The following MLLT3 variants were observed in gnomAD, a reference collection of about 807,000 sequenced individuals.
MLLT3 encodes the protein MLLT3 super elongation complex subunit, also known as protein AF-9.
In MLLT3, 4 loss-of-function variants were observed where a neutral mutation model predicts 53.2. That is an observed-to-expected ratio of 0.08 (90% confidence interval 0.04 to 0.17). The LOEUF (loss-of-function observed/expected upper bound fraction) is 0.17, where lower values mean the gene tolerates loss of function less well. Ranked by LOEUF, MLLT3 falls within the 10% of genes least tolerant of loss-of-function variation. The probability of loss-of-function intolerance (pLI) is 1.00; values close to 1 mark genes in which losing one functional copy is unlikely to be tolerated. For missense variants in MLLT3, 569 were observed against 684.0 expected, an observed-to-expected ratio of 0.83 and a Z score of 1.87; for synonymous variants, 283 against 230.6, an observed-to-expected ratio of 1.23 and a Z score of -2.06.
chr9:20,514,805 G>T (rs1456991699), intron 2 of MLLT3, among the ~76,000 whole-genome samples: 1 of 152,096 alleles, frequency 6.6e-6, no homozygotes, highest in Non-Finnish European at 1.5e-5. Context: ...ACCTGTCAGG[G>T]ACATGAAAGT....
chr9:20,565,915 T>C (rs1317235426), intron 2 of MLLT3, among the ~76,000 whole-genome samples: 5 of 114,634 alleles, frequency 4.4e-5, no homozygotes, highest in African/African-American at 1.5e-4. Context: ...AAAAAATATA[T>C]ATATATTTAT....
At chr9:20,548,985 T>C (rs1024584728) in intron 2 of MLLT3, among the ~76,000 whole-genome samples, 1 of 152,072 alleles carries the variant, frequency 6.6e-6, no homozygotes, top group Non-Finnish European at 1.5e-5. Flanking sequence ...CGGCTAATTT[T>C]AGTATTTTTT....
intron 2 of MLLT3, among the ~76,000 whole-genome samples, chr9:20,459,869 CCT>C (rs1388752389): frequency 6.6e-6 from 1 of 152,024 alleles, no homozygotes. Flanking sequence ...TCTGTAAACC[CCT>C]GAGTTCTTAA....
chr9:20,504,691 T>A (rs1353594700), intron 2 of MLLT3, among the ~76,000 whole-genome samples: 1 of 152,094 alleles, frequency 6.6e-6, no homozygotes, highest in Admixed American at 6.5e-5. Context: ...CTACAGTTCA[T>A]AACAATGTAT....
chr9:20,474,571 TGA>T (rs1824475692), intron 2 of MLLT3, among the ~76,000 whole-genome samples: 1 of 152,096 alleles, frequency 6.6e-6, no homozygotes, highest in Admixed American at 6.6e-5. Flanking sequence ...GCGGAGACCC[TGA>T]GAGACACCCT....
At chr9:20,416,974 C>T (rs999689053) in intron 4 of MLLT3, among the ~76,000 whole-genome samples, 30 of 151,910 alleles carry the variant, frequency 2.0e-4, no homozygotes, top group African/African-American at 7.3e-4. Flanking sequence ...CACAGCCAGA[C>T]ATTAAATTGT....
intron 2 of MLLT3, among the ~76,000 whole-genome samples, chr9:20,598,445 G>A (rs979979491): frequency 6.6e-6 from 1 of 152,146 alleles, no homozygotes; most frequent in Non-Finnish European, 1.5e-5. Flanking sequence ...AAGAGAAGTA[G>A]GATGTGCAAC....
In MLLT3 at chr9:20,346,456, G is replaced by C. The variant is rs751570252; in HGVS notation, c.1694C>G (p.Ser565Cys). The C allele has an allele frequency of 2.5e-6, 4 of 1,611,584 alleles. No individual in the cohort carries two copies. The highest frequency in any genetic ancestry group is 1.1e-5 in the South Asian group (1 of 90,866). Residue 565 changes from serine to cysteine, a missense_variant, in exon 11 of 11, where the codon TCT (serine) becomes TGT (cysteine). Ser to Cys is a moderately radical substitution (Grantham distance 112). Coordinates refer to ENST00000380338, the MANE Select transcript of MLLT3 (RefSeq NM_004529.4). ...VRKLQSYLET[S>C]GTS ...GTTGTTATATCCTCAGGATGTTCCA[G>C]ATGTTTCCAGGTAACTCTGTAGTTT... is the stretch of plus-strand genomic sequence containing the variant.
intron 2 of MLLT3, among the ~76,000 whole-genome samples, chr9:20,580,792 G>A (rs1025140900): frequency 1.3e-5 from 2 of 152,156 alleles, no homozygotes; most frequent in Non-Finnish European, 2.9e-5. Context: ...ATTAGACGTA[G>A]CATTCTAATC....
intron 5 of MLLT3, chr9:20,410,412 A>C (rs2118767334): frequency 6.6e-6 from 1 of 152,286 alleles, no homozygotes; most frequent in South Asian, 2.1e-4. Context: ...CCTACAAAGA[A>C]GATACTATTA....
intron 4 of MLLT3, among the ~76,000 whole-genome samples, chr9:20,426,834 C>G (rs12006253): frequency 0.24 from 36,440 of 151,834 alleles, 8,237 homozygotes; most frequent in East Asian, 0.68. Context: ...GAAATAGAAA[C>G]ATAAAAGGCA....
At chr9:20,434,994 C>T (rs1258012214) in intron 4 of MLLT3, among the ~76,000 whole-genome samples, 1 of 152,044 alleles carries the variant, frequency 6.6e-6, no homozygotes, top group Non-Finnish European at 1.5e-5. Flanking sequence ...TGATGATTTA[C>T]ACAAAAGATC....
chr9:20,583,984 G>C (rs920300733), intron 2 of MLLT3, among the ~76,000 whole-genome samples: 2 of 152,106 alleles, frequency 1.3e-5, no homozygotes, highest in Non-Finnish European at 2.9e-5. Context: ...ACATTATCAG[G>C]CTGCAAATTT....
intron 3 of MLLT3, among the ~76,000 whole-genome samples, chr9:20,455,811 G>A: frequency 6.6e-6 from 1 of 151,838 alleles, no homozygotes; most frequent in East Asian, 1.9e-4. Context: ...CACCTTATGA[G>A]GTAAGTACTC....
At chr9:20,383,539 T>G (rs929418290) in intron 5 of MLLT3, among the ~76,000 whole-genome samples, 7 of 151,906 alleles carry the variant, frequency 4.6e-5, no homozygotes, top group Admixed American at 4.6e-4. Flanking sequence ...GTAATAGTGG[T>G]ACCAATTCAT....
intron 4 of MLLT3, among the ~76,000 whole-genome samples, chr9:20,444,043 A>G (rs766771847): frequency 4.7e-4 from 71 of 152,202 alleles, no homozygotes; most frequent in South Asian, 1.2e-3. Context: ...AATATACAGT[A>G]TATGTTTACT....
intron 2 of MLLT3, among the ~76,000 whole-genome samples, chr9:20,581,698 A>G (rs77150388): frequency 1.5e-3 from 221 of 152,298 alleles, no homozygotes; most frequent in African/African-American, 4.9e-3. Flanking sequence ...TACCTCTCAT[A>G]TAAGATGCAG....
intron 2 of MLLT3, among the ~76,000 whole-genome samples, chr9:20,462,669 A>G (rs557132342): frequency 4.7e-4 from 72 of 152,206 alleles, no homozygotes; most frequent in South Asian, 1.5e-3. Context: ...TCATTGCATC[A>G]TATTAGCTAA....
intron 2 of MLLT3, among the ~76,000 whole-genome samples, chr9:20,465,342 GTGT>G (rs1354652013): frequency 6.6e-6 from 1 of 152,018 alleles, no homozygotes; most frequent in Non-Finnish European, 1.5e-5. Flanking sequence ...AAATAGATGG[GTGT>G]TGTTCTTTTA....
Sources: allele counts gnomAD v4.1 joint callset (sites outside exome capture counted in the v4.1 genomes callset), GRCh38; gene constraint gnomAD v4.1.1; transcripts MANE v1.5; gene names NCBI Gene and HGNC (gene_info 2026-07-23, HGNC 2026-07-21).